Variants in THSD7B observed in about 807,000 individuals in gnomAD.
The protein encoded by THSD7B is thrombospondin type-1 domain-containing protein 7B.
THSD7B carries 138 observed loss-of-function variants against 213.6 expected under a neutral mutation model. The ratio of observed to expected loss-of-function variants is 0.65; its 90% CI spans 0.56 to 0.74. The LOEUF is 0.74. THSD7B is among the 30% of genes least tolerant of loss of function. The pLI, the probability that THSD7B is intolerant of heterozygous loss-of-function variation, is 0.00. For missense variants in THSD7B, 1,931 were observed against 1,991.5 expected (o/e 0.97, Z 0.58); for synonymous variants, 742 against 687.0 (o/e 1.08, Z -1.25).
intron 1 of THSD7B, among the ~76,000 whole-genome samples, chr2:136,837,108 T>C (rs933948591): frequency 1.3e-5 from 2 of 152,228 alleles, no homozygotes; most frequent in Admixed American, 1.3e-4. Flanking sequence ...CTGTGTCCAC[T>C]CTTAACCTGG....
intron 2 of THSD7B, among the ~76,000 whole-genome samples, chr2:136,933,912 A>C (rs773602786): frequency 2.6e-5 from 4 of 152,174 alleles, no homozygotes; most frequent in Non-Finnish European, 5.9e-5. Flanking sequence ...AGATCTTCCA[A>C]ATTCATAGCT....
At chr2:137,266,047 G>T (rs1392046292) in intron 10 of THSD7B, among the ~76,000 whole-genome samples, 1 of 152,174 alleles carries the variant, frequency 6.6e-6, no homozygotes, top group East Asian at 1.9e-4. Flanking sequence ...ATGAGACTCA[G>T]CTCTGAATAG....
chr2:137,109,391 A>C (rs1477077032), intron 4 of THSD7B, among the ~76,000 whole-genome samples: 2 of 152,194 alleles, frequency 1.3e-5, no homozygotes, highest in Non-Finnish European at 2.9e-5. Context: ...TGAACTTGGA[A>C]AGGGGGATGG....
At chr2:136,845,428 C>T (rs1432592698) in intron 1 of THSD7B, among the ~76,000 whole-genome samples, 1 of 152,164 alleles carries the variant, frequency 6.6e-6, no homozygotes, top group African/African-American at 2.4e-5. Context: ...TTTAACTTTG[C>T]AGCATCTGGG....
intron 2 of THSD7B, among the ~76,000 whole-genome samples, chr2:137,033,678 T>C (rs568672859): frequency 6.6e-6 from 1 of 152,092 alleles, no homozygotes; most frequent in South Asian, 2.1e-4. Flanking sequence ...AGTGGCACAA[T>C]CTCGGCTCAC....
chr2:137,316,385 T>C (rs1307589819), intron 12 of THSD7B, among the ~76,000 whole-genome samples: 1 of 152,212 alleles, frequency 6.6e-6, no homozygotes, highest in African/African-American at 2.4e-5. Context: ...CCCTGATGAG[T>C]TCCCCTCCCT....
At chr2:137,001,141 A>C (rs1289605876) in intron 2 of THSD7B, among the ~76,000 whole-genome samples, 1 of 151,870 alleles carries the variant, frequency 6.6e-6, no homozygotes, top group East Asian at 1.9e-4. Flanking sequence ...TTTCTTTTTA[A>C]TGCTATAGAT....
intron 2 of THSD7B, among the ~76,000 whole-genome samples, chr2:136,922,016 A>G (rs774913275): frequency 2.0e-5 from 3 of 152,088 alleles, no homozygotes; most frequent in Admixed American, 6.5e-5. Context: ...TTTTGTAAAC[A>G]TTTTCAAGGG....
chr2:137,129,800 A>G (rs1187963740), intron 5 of THSD7B, among the ~76,000 whole-genome samples: 1 of 152,190 alleles, frequency 6.6e-6, no homozygotes, highest in East Asian at 1.9e-4. Context: ...TATGATTATA[A>G]GTATTTGTTA....
intron 10 of THSD7B, among the ~76,000 whole-genome samples, chr2:137,247,186 A>G (rs1266660540): frequency 6.6e-6 from 1 of 152,218 alleles, no homozygotes; most frequent in African/African-American, 2.4e-5. Context: ...AATCAGTATT[A>G]TCCTTTGTAT....
chr2:137,674,346 C>T (rs567775903), intron 27 of THSD7B, among the ~76,000 whole-genome samples: 5 of 152,298 alleles, frequency 3.3e-5, no homozygotes, highest in Admixed American at 1.3e-4. Context: ...AGGGAGAAGA[C>T]TCCTACTGTA....
At chr2:137,017,706 A>G (rs1004144297) in intron 2 of THSD7B, among the ~76,000 whole-genome samples, 5 of 152,208 alleles carry the variant, frequency 3.3e-5, no homozygotes, top group African/African-American at 1.2e-4. Flanking sequence ...TTAGTCCCTC[A>G]GGAATCTCCC....
chr2:136,979,779 A>T (rs1047739339), intron 2 of THSD7B, among the ~76,000 whole-genome samples: 1 of 152,080 alleles, frequency 6.6e-6, no homozygotes, highest in Non-Finnish European at 1.5e-5. Context: ...CAATTCATCC[A>T]TCTCAGCCTC....
chr2:137,390,690 A>G (rs1440245375), intron 12 of THSD7B, among the ~76,000 whole-genome samples: 2 of 152,066 alleles, frequency 1.3e-5, no homozygotes, highest in East Asian at 1.9e-4. Context: ...GGTCTTTATT[A>G]TTTTGAGGTA....
intron 2 of THSD7B, among the ~76,000 whole-genome samples, chr2:136,963,871 T>C (rs182392889): frequency 6.6e-6 from 1 of 152,326 alleles, no homozygotes; most frequent in East Asian, 1.9e-4. Context: ...GACGTGTTTG[T>C]TAATGTGCTA....
intron 2 of THSD7B, among the ~76,000 whole-genome samples, chr2:136,964,590 G>GCAAATATTCTCA (rs1685282020): frequency 2.0e-5 from 3 of 151,816 alleles, no homozygotes; most frequent in African/African-American, 7.3e-5. Context: ...CTACTTAAAC[G>GCAAATATTCTCA]TTCCTATGCA....
rs55940004 is a variant in THSD7B, at chr2:137,675,403, CATATATATATATATATATATATATATAT to C, written c.4740-1104_4740-1077del. Among the ~76,000 whole-genome samples the C allele has an allele frequency of 8.2e-4, 96 of 116,528 alleles. 2 individuals are homozygous for C. In the South Asian group the frequency reaches 0.01, roughly 12 times the overall value. 76.4% of individuals were successfully genotyped at this position (116,528 alleles called of 152,430 possible). A position where few individuals can be genotyped will look rare whatever the true frequency, so the allele number is the denominator to read the frequency against. On this transcript the variant is annotated intron_variant, in intron 27 of 27. Coordinates refer to ENST00000409968, the MANE Select transcript of THSD7B (RefSeq NM_001316349.2). ...TTTCTACCAAGTGCTAAATGAATGC[CATATATATATATATATATATATATATAT>C]ATATATATATATATATGCGGACAGT...
intron 15 of THSD7B, among the ~76,000 whole-genome samples, chr2:137,523,011 C>T (rs572327909): frequency 6.6e-6 from 1 of 152,290 alleles, no homozygotes; most frequent in East Asian, 1.9e-4. Context: ...TGAATGAATA[C>T]ACTTGAAGAT....
intron 15 of THSD7B, among the ~76,000 whole-genome samples, chr2:137,546,394 ATTATATATATT>A (rs1680717548): frequency 1.6e-4 from 6 of 37,308 alleles, no homozygotes; most frequent in African/African-American, 2.7e-4. Context: ...TATTATATAT[ATTATATATATT>A]ATATATATAT....
Sources: gnomAD v4.1 joint callset for allele counts (sites outside exome capture counted in the v4.1 genomes callset) on GRCh38, gnomAD v4.1.1 for gene constraint, MANE v1.5 for transcripts, NCBI Gene and HGNC (gene_info 2026-07-23, HGNC 2026-07-21) for gene names.